PROKR1: variants seen among roughly 807,000 people sequenced by gnomAD.
The protein encoded by PROKR1 is prokineticin receptor 1, also known as G protein-coupled receptor 73.
A neutral mutation model predicts 22.8 loss-of-function variants in PROKR1; 21 were observed. The ratio of observed to expected loss-of-function variants is 0.92; its 90% CI spans 0.65 to 1.32. The LOEUF is 1.32. Among genes scored for constraint, PROKR1 ranks in the 40% most tolerant of loss-of-function variants. The pLI, the probability that PROKR1 is intolerant of heterozygous loss-of-function variation, is 0.00. For missense variants in PROKR1, 548 were observed against 514.2 expected (o/e 1.07, Z -0.64); for synonymous variants, 193 against 207.5 (o/e 0.93, Z 0.60).
At chr2:68,648,593 T>A (rs1673240786) in intron 2 of PROKR1, among the ~76,000 whole-genome samples, 1 of 152,180 alleles carries the variant, frequency 6.6e-6, no homozygotes, top group Non-Finnish European at 1.5e-5. Flanking sequence ...CTTTTATTGA[T>A]GTTTGTGATC....
chr2:68,658,044 G>T lies in PROKR1; in HGVS notation c.*2468G>T, dbSNP rs1442223371. ...TCATTATGTTCACCGCTTTCATTAA[G>T]AATGCTAAACAAGAGTTGATTGTAT... On this transcript the variant is annotated 3_prime_UTR_variant, in exon 3 of 3. Transcript: ENST00000303786. 1 of 152,162 alleles carries T rather than the reference G, an allele frequency of 6.6e-6. No homozygotes were observed. Among genetic ancestry groups the T allele is most frequent in the Non-Finnish European group, 1.5e-5 (1 of 68,020 alleles). The allele number at this position is 152,162 out of a possible 1,614,324, so 9.4% of individuals were successfully genotyped here.
intron 2 of PROKR1, among the ~76,000 whole-genome samples, chr2:68,647,893 C>A (rs1286683313): frequency 2.0e-5 from 3 of 152,156 alleles, no homozygotes; most frequent in African/African-American, 4.8e-5. Flanking sequence ...TGGACAAGGA[C>A]CCCGCATGAA....
chr2:68,646,476 T>A (rs561380087), intron 2 of PROKR1, among the ~76,000 whole-genome samples, 170 bp downstream of exon 2: 268 of 152,300 alleles, frequency 1.8e-3, no homozygotes, highest in African/African-American at 6.3e-3. Flanking sequence ...TGAGAAGAGT[T>A]CTCCTTTTCC....
chr2:68,647,454 A>G (rs1464367129), intron 2 of PROKR1, among the ~76,000 whole-genome samples: 1 of 152,176 alleles, frequency 6.6e-6, no homozygotes, highest in African/African-American at 2.4e-5. Flanking sequence ...TTTAACCCAG[A>G]GAGCCTGAGG....
At chr2:68,653,514 C>A (rs1673378783) in intron 2 of PROKR1, among the ~76,000 whole-genome samples, 2 of 152,278 alleles carry the variant, frequency 1.3e-5, no homozygotes, top group African/African-American at 4.8e-5. Flanking sequence ...AAGGAAACAA[C>A]CGGTTTGGCT....
intron 2 of PROKR1, 46 bp downstream of exon 2, chr2:68,646,352 G>A (rs762036660): frequency 6.2e-7 from 1 of 1,610,798 alleles, no homozygotes. Flanking sequence ...CAGGGAGGAA[G>A]GGGCATTGGA....
intron 2 of PROKR1, among the ~76,000 whole-genome samples, chr2:68,646,621 G>A (rs1378605471): frequency 3.9e-5 from 6 of 152,308 alleles, no homozygotes; most frequent in South Asian, 2.1e-4. Flanking sequence ...AGGAGATATC[G>A]AGGGAAACTT....
In PROKR1 at chr2:68,656,817, G is replaced by A. The variant is rs530054270; in HGVS notation, c.*1241G>A. On this transcript the variant is annotated 3_prime_UTR_variant, in exon 3 of 3. Transcript: ENST00000303786. ...ATAGGGGTCCTCTTAGGAGGGATAA[G>A]CCACACGTTTCTAGTCCTCAGCGTG... The A allele has an allele frequency of 5.3e-5, 8 of 152,186 alleles. No homozygotes were observed. The highest frequency in any genetic ancestry group is 1.0e-4 in the Non-Finnish European group (7 of 68,046). 9.4% of individuals were successfully genotyped at this position (152,186 alleles called of 1,614,324 possible).
In PROKR1 at chr2:68,655,523, A is replaced by C. The variant is rs1189681107; in HGVS notation, c.1129A>C (p.Lys377Gln). ...TAAGTCCAGTGCAGACCTGGACCTCAAGACAATTGGGATGCCTGCCACCGA... is the reference window on the plus strand; with the variant it reads ...TAAGTCCAGTGCAGACCTGGACCTCCAGACAATTGGGATGCCTGCCACCGA... ...GGKSSADLDL[K>Q]TIGMPATEEV... The change falls in exon 3 of 3, where the codon AAG becomes CAG. Residue 377 changes from lysine (K) to glutamine (Q), a missense_variant. Physicochemically the swap from Lys to Gln is moderately conservative, Grantham distance 53. Transcript: ENST00000303786. 1 of 1,614,130 alleles carries C rather than the reference A, an allele frequency of 6.2e-7. No individual in the cohort carries two copies. The highest frequency in any genetic ancestry group is 1.3e-5 in the African/African-American group (1 of 74,944).
chr2:68,647,367 T>A (rs1673209598), intron 2 of PROKR1, among the ~76,000 whole-genome samples: 2 of 152,178 alleles, frequency 1.3e-5, no homozygotes, highest in Non-Finnish European at 2.9e-5. Context: ...AAGCACCTGG[T>A]TACAGTCTAG....
chr2:68,646,748 A>G (rs1218206260), intron 2 of PROKR1, among the ~76,000 whole-genome samples: 1 of 152,192 alleles, frequency 6.6e-6, no homozygotes, highest in East Asian at 1.9e-4. Flanking sequence ...TTTAAATAAG[A>G]TTCAAGGATT....
intron 1 of PROKR1, among the ~76,000 whole-genome samples, chr2:68,645,221 C>A (rs980345499): frequency 6.6e-6 from 1 of 152,194 alleles, no homozygotes; most frequent in South Asian, 2.1e-4. Context: ...AATGTGGGAA[C>A]AGGAAGTCCA....
rs1673444184 is a variant in PROKR1 at position 68,655,865 on chromosome 2, G to C, written c.*289G>C. On this transcript the variant is annotated 3_prime_UTR_variant, in exon 3 of 3. Coordinates refer to ENST00000303786, the MANE Select transcript of PROKR1 (RefSeq NM_138964.4). ...CAAAATGAAATTGGAATTAAACCAA[G>C]GAAAATGTGGTGGTGTAGATAGAAA... 2.2e-6 allele frequency: 1 copy of C among 451,382 alleles called. No homozygotes were observed. The highest frequency in any genetic ancestry group is 4.1e-6 in the Non-Finnish European group (1 of 243,988). 28.0% of individuals were successfully genotyped at this position (451,382 alleles called of 1,614,324 possible). A position where few individuals can be genotyped will look rare whatever the true frequency, so the allele number is the denominator to read the frequency against.
chr2:68,655,632 G>A lies in PROKR1; in HGVS notation c.*56G>A. On this transcript the variant is annotated 3_prime_UTR_variant, in exon 3 of 3. Coordinates refer to ENST00000303786, the MANE Select transcript of PROKR1 (RefSeq NM_138964.4). The stretch of plus-strand genomic sequence containing the variant: ...AGCAGGGTCCTGTGGACACTGACTA[G>A]TGTGCTTGGATGCACATCAACCTGG... 6.5e-7 allele frequency: 1 copy of A among 1,542,908 alleles called. No individual in the cohort carries two copies. The highest frequency in any genetic ancestry group is 8.9e-7 in the Non-Finnish European group (1 of 1,125,144).
chr2:68,652,639 G>A (rs531692857), intron 2 of PROKR1, among the ~76,000 whole-genome samples: 1 of 151,878 alleles, frequency 6.6e-6, no homozygotes, highest in South Asian at 2.1e-4. Flanking sequence ...AAATTGCTGT[G>A]TATACAGAAT....
intron 2 of PROKR1, among the ~76,000 whole-genome samples, chr2:68,650,120 G>C (rs1673282895): frequency 6.6e-6 from 1 of 150,992 alleles, no homozygotes; most frequent in Non-Finnish European, 1.5e-5. Flanking sequence ...AATGCTAGAT[G>C]ACGAGTTAGT....
In PROKR1 at chr2:68,657,126, G is replaced by A. The variant is rs1448958873; in HGVS notation, c.*1550G>A. ...GGCAAAGCCTCTCCGAGGGGACAAA[G>A]GTAACACCTTTGTCCTTCTGTGGTA... On this transcript the variant is annotated 3_prime_UTR_variant, in exon 3 of 3. Coordinates refer to ENST00000303786, the MANE Select transcript of PROKR1 (RefSeq NM_138964.4). 1.3e-5 allele frequency: 2 copies of A among 152,158 alleles called. No individual in the cohort carries two copies. The highest frequency in any genetic ancestry group is 2.9e-5 in the Non-Finnish European group (2 of 68,028). The allele number at this position is 152,158 out of a possible 1,614,324, so 9.4% of individuals were successfully genotyped here. A position where few individuals can be genotyped will look rare whatever the true frequency, so the allele number is the denominator to read the frequency against.
At chr2:68,654,526 T>A (rs1673398355) in intron 2 of PROKR1, among the ~76,000 whole-genome samples, 1 of 152,184 alleles carries the variant, frequency 6.6e-6, no homozygotes, top group Non-Finnish European at 1.5e-5. Context: ...CCTCCACACA[T>A]ACCATTTTGT....
intron 2 of PROKR1, among the ~76,000 whole-genome samples, chr2:68,652,120 G>A (rs1229916422): frequency 2.0e-5 from 3 of 152,160 alleles, no homozygotes; most frequent in Non-Finnish European, 2.9e-5. Context: ...AGCAAGATGT[G>A]GGTCTGAGTC....
Sources: gnomAD v4.1 joint callset for allele counts (sites outside exome capture counted in the v4.1 genomes callset) on GRCh38, gnomAD v4.1.1 for gene constraint, MANE v1.5 for transcripts, NCBI Gene and HGNC (gene_info 2026-07-23, HGNC 2026-07-21) for gene names.